GPC5: variants seen among roughly 807,000 people sequenced by gnomAD.
The protein encoded by GPC5 is glypican 5, also known as glypican-5.
A neutral mutation model predicts 53.9 loss-of-function variants in GPC5; 47 were observed. That is an observed-to-expected ratio of 0.87 (90% confidence interval 0.69 to 1.11). GPC5 has a LOEUF of 1.11. GPC5 is among the 50% of genes most tolerant of loss of function. GPC5 has a pLI of 0.00. For synonymous variants in GPC5, 286 were observed against 263.3 expected, an observed-to-expected ratio of 1.09 and a Z score of -0.84; for missense variants, 748 against 713.1, an observed-to-expected ratio of 1.05 and a Z score of -0.56.
chr13:92,281,274 C>T (rs1423420585), intron 7 of GPC5, among the ~76,000 whole-genome samples: 1 of 152,274 alleles, frequency 6.6e-6, no homozygotes, highest in Admixed American at 6.5e-5. Flanking sequence ...TGGAGCCCAC[C>T]ACAGCTCAAG....
intron 6 of GPC5, among the ~76,000 whole-genome samples, chr13:91,912,566 A>AT (rs2039619387): frequency 6.6e-6 from 1 of 152,218 alleles, no homozygotes; most frequent in Admixed American, 6.5e-5. Context: ...CATAGGGTAC[A>AT]TTTGATTTTG....
At chr13:92,814,815 T>G (rs1419398340) in intron 7 of GPC5, among the ~76,000 whole-genome samples, 1 of 151,986 alleles carries the variant, frequency 6.6e-6, no homozygotes, top group East Asian at 1.9e-4. Flanking sequence ...ATTATCAAAT[T>G]TTACACTTAA....
intron 5 of GPC5, among the ~76,000 whole-genome samples, chr13:91,870,228 T>G (rs1020806767): frequency 1.3e-5 from 2 of 152,262 alleles, no homozygotes; most frequent in East Asian, 3.9e-4. Flanking sequence ...AAGAACTCCC[T>G]TATGCACCGT....
chr13:92,630,484 A>AAAATATATTAAT (rs11270942), intron 7 of GPC5, among the ~76,000 whole-genome samples: 77,295 of 151,620 alleles, frequency 0.51, 20,224 homozygotes, highest in East Asian at 0.79. Context: ...TTTTAATAGT[A>AAAATATATTAAT]ACTATTTGAA....
At position 92,024,123 on chromosome 13, in the gene GPC5, T is replaced by C. The variant is rs1009849614; in HGVS notation, c.1401+116066T>C. ...TAAGCCTCAATTATGGTGCCTAATA[T>C]ATTAATGAATCAATATTTAATTTCA... On this transcript the variant is annotated intron_variant, in intron 6 of 7. Transcript: ENST00000377067. Among the ~76,000 whole-genome samples the C allele has an allele frequency of 2.0e-5, 3 of 152,142 alleles. No homozygotes were observed. In the East Asian group the frequency reaches 5.8e-4, roughly 29 times the overall value.
rs1876654218 is a variant in GPC5 at position 91,398,677 on chromosome 13, C to CGG, written c.-370_-369insGG. 1 of 21,886 alleles carries CGG rather than the reference C, an allele frequency of 4.6e-5. No homozygotes were observed. The highest frequency in any genetic ancestry group is 1.4e-4 in the African/African-American group (1 of 7,082). The allele number at this position is 21,886 out of a possible 1,614,324, so 1.4% of individuals were successfully genotyped here. A position where few individuals can be genotyped will look rare whatever the true frequency, so the allele number is the denominator to read the frequency against. On this transcript the variant is annotated 5_prime_UTR_variant, in exon 1 of 8. Coordinates refer to ENST00000377067, the MANE Select transcript of GPC5 (RefSeq NM_004466.6). ...GCGGCGGAGGCGGCGGCGGCGGCGG[C>CGG]AGTGGCGGCAGTGGCGGCAGTGGCG...
chr13:92,330,965 T>C (rs1204947388), intron 7 of GPC5, among the ~76,000 whole-genome samples: 1 of 152,314 alleles, frequency 6.6e-6, no homozygotes, highest in African/African-American at 2.4e-5. Context: ...TACCAGGCAG[T>C]TATTTTCATA....
At position 92,261,968 on chromosome 13, in the gene GPC5, C is replaced by G. The variant is rs148485987; in HGVS notation, c.1561+116979C>G. Among the ~76,000 whole-genome samples the G allele has an allele frequency of 3.5e-4, 54 of 152,138 alleles. 1 individual carries two copies. In the East Asian group the frequency reaches 9.9e-3, roughly 28 times the overall value. On this transcript the variant is annotated intron_variant, in intron 7 of 7. Transcript: ENST00000377067. Reference sequence around the variant, plus strand: ...TTGTAAATGGTGTGAGATAGGTATACAAATGAAAATATCTATTGAGGTTTT... The same window carrying G: ...TTGTAAATGGTGTGAGATAGGTATAGAAATGAAAATATCTATTGAGGTTTT...
At chr13:92,636,712 CTTATT>C (rs1160302093) in intron 7 of GPC5, among the ~76,000 whole-genome samples, 1 of 152,172 alleles carries the variant, frequency 6.6e-6, no homozygotes, top group Non-Finnish European at 1.5e-5. Context: ...GGTACTGCAT[CTTATT>C]TATCCTTCAC....
chr13:92,796,784 A>G (rs1876700482), intron 7 of GPC5, among the ~76,000 whole-genome samples: 1 of 151,464 alleles, frequency 6.6e-6, no homozygotes, highest in Admixed American at 6.6e-5. Context: ...TTATTTTTAA[A>G]CCCGATCTCC....
chr13:92,175,215 T>C (rs1419895762), intron 7 of GPC5, among the ~76,000 whole-genome samples: 1 of 152,244 alleles, frequency 6.6e-6, no homozygotes, highest in Non-Finnish European at 1.5e-5. Context: ...GGCATATTAG[T>C]GAAACATATA....
At chr13:92,733,212 G>A (rs1009290904) in intron 7 of GPC5, among the ~76,000 whole-genome samples, 3 of 151,564 alleles carry the variant, frequency 2.0e-5, no homozygotes, top group Admixed American at 6.6e-5. Context: ...TTTTTGAGCC[G>A]ATAAATCTCA....
intron 2 of GPC5, among the ~76,000 whole-genome samples, chr13:91,474,643 C>A (rs1882828293): frequency 6.6e-6 from 1 of 152,044 alleles, no homozygotes; most frequent in Non-Finnish European, 1.5e-5. Context: ...CCATTTATAG[C>A]AGTTCTAATC....
At chr13:91,974,851 G>A (rs554843527) in intron 6 of GPC5, among the ~76,000 whole-genome samples, 21 of 152,208 alleles carry the variant, frequency 1.4e-4, no homozygotes, top group East Asian at 1.9e-4. Flanking sequence ...GAGGCATCCC[G>A]CTACCTGACT....
chr13:91,900,069 T>A (rs1490466302), intron 5 of GPC5, among the ~76,000 whole-genome samples: 1 of 152,174 alleles, frequency 6.6e-6, no homozygotes, highest in Non-Finnish European at 1.5e-5. Context: ...TATCGTATCT[T>A]GCAAGTAATT....
chr13:91,672,897 C>G (rs1487120335), intron 2 of GPC5, among the ~76,000 whole-genome samples: 1 of 152,154 alleles, frequency 6.6e-6, no homozygotes, highest in African/African-American at 2.4e-5. Context: ...GAATACTATT[C>G]AGTCATAAAA....
intron 6 of GPC5, among the ~76,000 whole-genome samples, chr13:92,140,619 CAT>C (rs1308053084): frequency 2.0e-5 from 3 of 152,166 alleles, no homozygotes; most frequent in African/African-American, 7.2e-5. Flanking sequence ...CCTCTAGACA[CAT>C]GTCATGTTGG....
At chr13:92,607,003 T>C (rs1265028452) in intron 7 of GPC5, among the ~76,000 whole-genome samples, 2 of 152,196 alleles carry the variant, frequency 1.3e-5, no homozygotes, top group African/African-American at 4.8e-5. Context: ...TTCTGTCAAA[T>C]CTTAAGGGAA....
intron 6 of GPC5, among the ~76,000 whole-genome samples, chr13:91,961,267 A>G (rs1231393146): frequency 1.3e-5 from 2 of 152,042 alleles, no homozygotes; most frequent in Non-Finnish European, 1.5e-5. Context: ...TGCATGTAAT[A>G]AAGTGTCACA....
Sources: gnomAD v4.1 joint callset for allele counts (sites outside exome capture counted in the v4.1 genomes callset) on GRCh38, gnomAD v4.1.1 for gene constraint, MANE v1.5 for transcripts, NCBI Gene and HGNC (gene_info 2026-07-23, HGNC 2026-07-21) for gene names.